The following CEP97 variants were observed in gnomAD, a reference collection of about 807,000 sequenced individuals.
The protein encoded by CEP97 is centrosomal protein 97.
A neutral mutation model predicts 73.1 loss-of-function variants in CEP97; 43 were observed. The ratio of observed to expected loss-of-function variants is 0.59; its 90% CI spans 0.46 to 0.76. CEP97 has a LOEUF of 0.76. CEP97 is among the 30% of genes least tolerant of loss of function. The pLI is 0.00. For missense variants in CEP97, 939 were observed against 1,014.0 expected (o/e 0.93, Z 1.00); for synonymous variants, 337 against 370.0 (o/e 0.91, Z 1.02).
chr3:101,728,829 G>C lies in CEP97; in HGVS notation c.346-7G>C. 6.4e-7 allele frequency: 1 copy of C among 1,564,154 alleles called. No individual in the cohort carries two copies. The highest frequency in any genetic ancestry group is 8.8e-7 in the Non-Finnish European group (1 of 1,136,034). ...CATTAAATAGTGTGATGCTTTTCTT[G>C]TGATAGGCCATGGAACAGATCAATA... On this transcript the variant is annotated splice_polypyrimidine_tract_variant and splice_region_variant and intron_variant, in intron 3 of 10. Coordinates refer to ENST00000341893, the MANE Select transcript of CEP97 (RefSeq NM_024548.4).
At chr3:101,742,924 A>G (rs911528890) in intron 6 of CEP97, among the ~76,000 whole-genome samples, 16 of 152,166 alleles carry the variant, frequency 1.1e-4, no homozygotes, top group Non-Finnish European at 2.4e-4. Context: ...ATATTTTAAA[A>G]TATCCTTATA....
intron 6 of CEP97, among the ~76,000 whole-genome samples, chr3:101,744,108 A>G (rs868505123): frequency 2.0e-5 from 3 of 152,290 alleles, no homozygotes; most frequent in South Asian, 4.2e-4. Context: ...TTGAAAAACT[A>G]GAAGTATCTA....
At chr3:101,741,814 G>T (rs192214198) in intron 6 of CEP97, among the ~76,000 whole-genome samples, 13 of 152,262 alleles carry the variant, frequency 8.5e-5, no homozygotes, top group Admixed American at 8.5e-4. Context: ...GTCCGAGGCA[G>T]GTGGATCACG....
rs1937935029 is a variant in CEP97, at chr3:101,727,515, C to T, written c.319C>T (p.Leu107=). 2 of 1,610,682 alleles carry T rather than the reference C, an allele frequency of 1.2e-6. No individual in the cohort carries two copies. Among genetic ancestry groups the T allele is most frequent in the East Asian group, 4.5e-5 (2 of 44,780 alleles). Residue 107 remains leucine (L), a synonymous_variant, in exon 3 of 11, where the codon CTG becomes TTG. Coordinates refer to ENST00000341893, the MANE Select transcript of CEP97 (RefSeq NM_024548.4). ...AAAGGAACTAGTACATCTGGAATGG[C>T]TGAATTTGGCAGGAAATAATCTTAA... The part of the protein sequence containing the change: ...GLKELVHLEW[L]NLAGNNLKAM...
intron 1 of CEP97, among the ~76,000 whole-genome samples, chr3:101,725,591 A>G (rs561535894): frequency 5.9e-5 from 9 of 152,124 alleles, no homozygotes; most frequent in South Asian, 4.1e-4. Context: ...CCTTTCATCA[A>G]TTTTTCAGAG....
intron 6 of CEP97, among the ~76,000 whole-genome samples, chr3:101,749,174 G>A (rs1938721955): frequency 7.8e-6 from 1 of 128,842 alleles, no homozygotes; most frequent in Non-Finnish European, 1.6e-5. Flanking sequence ...TCCCCAGAGT[G>A]TGATGGTCCC....
chr3:101,764,951 A>G lies in CEP97; in HGVS notation c.1998A>G (p.Pro666=), dbSNP rs1939270597. Residue 666 remains proline, a synonymous_variant, in exon 11 of 11, where the codon CCA becomes CCG. Coordinates refer to ENST00000341893, the MANE Select transcript of CEP97 (RefSeq NM_024548.4). Reference sequence around the variant, plus strand: ...GTACTCTTGTGCCATCGAAACATCCATTATTTACCCAAAGCCAGGAGTCCT... The same window carrying G: ...GTACTCTTGTGCCATCGAAACATCCGTTATTTACCCAAAGCCAGGAGTCCT... ...ISSTLVPSKH[P]LFTQSQESSC... is the part of the protein sequence containing the mutation. 6.2e-7 allele frequency: 1 copy of G among 1,614,084 alleles called. No individual in the cohort carries two copies. The highest frequency in any genetic ancestry group is 8.5e-7 in the Non-Finnish European group (1 of 1,180,032).
rs113261603 is a variant in CEP97 at position 101,755,234 on chromosome 3, A to G, written c.729-196A>G. ...AATGGAAGTGCCCCTAAGCAAGAAAAAGGGTTTGAAACATTATTAGAATGG... is the reference window on the plus strand; with the variant it reads ...AATGGAAGTGCCCCTAAGCAAGAAAGAGGGTTTGAAACATTATTAGAATGG... On this transcript the variant is annotated intron_variant, in intron 6 of 10. Transcript: ENST00000341893. 9.2e-5 allele frequency among the ~76,000 whole-genome samples: 14 copies of G among 152,298 alleles called. 1 individual carries two copies. Among genetic ancestry groups the G allele is most frequent in the African/African-American group, 3.4e-4 (14 of 41,568 alleles).
chr3:101,757,062 G>A lies in CEP97; in HGVS notation c.894-1G>A, dbSNP rs1939025308. On this transcript the variant is annotated splice_acceptor_variant, in intron 7 of 10. Transcript: ENST00000341893. LOFTEE classifies it high-confidence loss of function. ...TTAGACCAGGTATTATTGATTTTTA[G>A]GTTTCACCAGAGGCAGTTGATGAAC... 6.3e-7 allele frequency: 1 copy of A among 1,598,844 alleles called. No homozygotes were observed. The highest frequency in any genetic ancestry group is 8.5e-7 in the Non-Finnish European group (1 of 1,175,386).
intron 6 of CEP97, 63 bp downstream of exon 6, chr3:101,732,717 A>C (rs1357600861): frequency 4.4e-6 from 6 of 1,372,854 alleles, no homozygotes; most frequent in Non-Finnish European, 6.0e-6. Context: ...TTTACTACAG[A>C]TTAATAGAGT....
Position 101,757,050 on chromosome 3 carries a change from T to C in CEP97, c.894-13T>C, listed in dbSNP as rs1269096241. 1.3e-6 allele frequency: 2 copies of C among 1,596,278 alleles called. No individual in the cohort carries two copies. The highest frequency in any genetic ancestry group is 1.8e-5 in the Admixed American group (1 of 55,048). ...GTTTGTGTTAAATTAGACCAGGTAT[T>C]ATTGATTTTTAGGTTTCACCAGAGG... On this transcript the variant is annotated splice_polypyrimidine_tract_variant and intron_variant, in intron 7 of 10. Coordinates refer to ENST00000341893, the MANE Select transcript of CEP97 (RefSeq NM_024548.4).
rs532372200 is a variant in CEP97, at chr3:101,757,803, C to T, written c.1197C>T (p.Leu399=). 6.1e-5 allele frequency: 98 copies of T among 1,614,138 alleles called. No individual in the cohort carries two copies. The highest frequency in any genetic ancestry group is 8.0e-5 in the Non-Finnish European group (94 of 1,180,050). ...TDEDKLNCSL[L]SSESTFMPVA... is the part of the protein sequence containing the mutation. ...AGGACAAGTTAAACTGTAGTCTTCT[C>T]TCTTCAGAGTCTACTTTTATGCCAG... is the stretch of plus-strand genomic sequence containing the variant. Residue 399 remains leucine (L), a synonymous_variant, in exon 9 of 11, where the codon CTC becomes CTT. Transcript: ENST00000341893.
intron 6 of CEP97, among the ~76,000 whole-genome samples, chr3:101,738,791 A>C (rs970050613): frequency 2.6e-5 from 4 of 152,190 alleles, no homozygotes; most frequent in Non-Finnish European, 5.9e-5. Flanking sequence ...AAGGAAGAAC[A>C]AACAAATTCA....
intron 3 of CEP97, among the ~76,000 whole-genome samples, chr3:101,728,055 T>A (rs1374475759): frequency 3.3e-5 from 5 of 152,180 alleles, no homozygotes; most frequent in Non-Finnish European, 7.4e-5. Context: ...ACTTATTCAA[T>A]CTCATGGTAG....
intron 6 of CEP97, among the ~76,000 whole-genome samples, chr3:101,749,109 G>A (rs1377516345): frequency 6.6e-6 from 1 of 150,440 alleles, no homozygotes; most frequent in Non-Finnish European, 1.5e-5. Context: ...TCGTCATTTA[G>A]CATTAGGTAT....
rs376746871 is a variant in CEP97, at chr3:101,764,949, C to A, written c.1996C>A (p.Pro666Thr). 8.7e-5 allele frequency: 141 copies of A among 1,614,042 alleles called. No homozygotes were observed. Among genetic ancestry groups the A allele is most frequent in the Non-Finnish European group, 1.2e-4 (139 of 1,180,030 alleles). ...ISSTLVPSKH[P>T]LFTQSQESSC... ...AAGTACTCTTGTGCCATCGAAACATCCATTATTTACCCAAAGCCAGGAGTC... is the reference window on the plus strand; with the variant it reads ...AAGTACTCTTGTGCCATCGAAACATACATTATTTACCCAAAGCCAGGAGTC... The change falls in exon 11 of 11, where the codon CCA becomes ACA. Residue 666 changes from proline to threonine, a missense_variant. Transcript: ENST00000341893.
intron 2 of CEP97, 126 bp downstream of exon 2, chr3:101,726,862 C>G: frequency 1.7e-6 from 1 of 603,130 alleles, no homozygotes; most frequent in East Asian, 3.0e-5. Context: ...TAAATTTTTA[C>G]ATGACAGTTT....
chr3:101,751,125 T>C (rs899429527), intron 6 of CEP97, among the ~76,000 whole-genome samples: 7 of 152,236 alleles, frequency 4.6e-5, no homozygotes, highest in Non-Finnish European at 8.8e-5. Flanking sequence ...TTTGTTCTTG[T>C]TGGTTTCAAA....
At chr3:101,762,450 T>C in intron 9 of CEP97, 35 bp from the exon 10 acceptor site, 2 of 1,425,848 alleles carry the variant, frequency 1.4e-6, no homozygotes, top group Non-Finnish European at 2.0e-6. Flanking sequence ...AAAGCACCCT[T>C]CCTTATGTCA....
Sources: allele counts gnomAD v4.1 joint callset (sites outside exome capture counted in the v4.1 genomes callset), GRCh38; gene constraint gnomAD v4.1.1; transcripts MANE v1.5; gene names NCBI Gene and HGNC (gene_info 2026-07-23, HGNC 2026-07-21).